TEX14: variants seen among roughly 807,000 people sequenced by gnomAD.
TEX14 encodes the protein inactive serine/threonine-protein kinase TEX14.
A neutral mutation model predicts 178.6 loss-of-function variants in TEX14; 168 were observed. The observed-to-expected ratio is 0.94, with a 90% confidence interval of 0.83 to 1.07. The LOEUF (loss-of-function observed/expected upper bound fraction) is 1.07. TEX14 is among the 50% of genes least tolerant of loss of function. The pLI, the probability that TEX14 is intolerant of heterozygous loss-of-function variation, is 0.00. For missense variants in TEX14, 1,730 were observed against 1,753.6 expected (o/e 0.99, Z 0.24); for synonymous variants, 626 against 634.1 (o/e 0.99, Z 0.19).
Position 58,587,892 on chromosome 17 carries a change from T to C in TEX14, c.2702+4A>G. Reference sequence around the variant, plus strand: ...ACCAGTTTCCAGCCCACAAGGATCCTTACCTGGTAGAGTCCCAGTGACAGC... The same window carrying C: ...ACCAGTTTCCAGCCCACAAGGATCCCTACCTGGTAGAGTCCCAGTGACAGC... On this transcript the variant is annotated splice_donor_region_variant and intron_variant, in intron 16 of 31. Coordinates refer to ENST00000349033, the MANE Select transcript of TEX14 (RefSeq NM_031272.5). 1 of 1,224,764 alleles carries C rather than the reference T, an allele frequency of 8.2e-7. No homozygotes were observed. The highest frequency in any genetic ancestry group is 1.1e-6 in the Non-Finnish European group (1 of 877,300). 75.9% of individuals were successfully genotyped at this position (1,224,764 alleles called of 1,614,324 possible).
chr17:58,565,053 G>T (rs893354580), intron 27 of TEX14, 85 bp from the exon 28 acceptor site: 4 of 781,514 alleles, frequency 5.1e-6, no homozygotes, highest in Middle Eastern at 2.4e-4. Flanking sequence ...AAAAATTAAG[G>T]CCAATCAGTG....
At chr17:58,613,594 T>A (rs1399316795) in intron 8 of TEX14, 50 bp from the exon 9 acceptor site, 7 of 1,586,668 alleles carry the variant, frequency 4.4e-6, no homozygotes, top group African/African-American at 1.4e-5. Flanking sequence ...GAGGATATGA[T>A]GAAAAAATGA....
chr17:58,658,382 A>T (rs1261664041), intron 1 of TEX14, among the ~76,000 whole-genome samples: 1 of 130,486 alleles, frequency 7.7e-6, no homozygotes, highest in Admixed American at 8.2e-5. Context: ...CCACCTGTGC[A>T]CCGGCTTTTT....
At chr17:58,602,189 G>A (rs2045469217) in intron 12 of TEX14, among the ~76,000 whole-genome samples, 1 of 152,184 alleles carries the variant, frequency 6.6e-6, no homozygotes, top group African/African-American at 2.4e-5. Flanking sequence ...CTATGCATAT[G>A]TGTTGAACCT....
At position 58,659,315 on chromosome 17, in the gene TEX14, A is replaced by T. The variant is rs189688278; in HGVS notation, c.-1-7313T>A. 5.1e-6 allele frequency: 5 copies of T among 980,024 alleles called. No homozygotes were observed. In the African/African-American group the frequency reaches 7.0e-5, roughly 14 times the overall value. 60.7% of individuals were successfully genotyped at this position (980,024 alleles called of 1,614,324 possible). On this transcript the variant is annotated intron_variant, in intron 1 of 31. Transcript: ENST00000349033. The stretch of plus-strand genomic sequence containing the variant: ...CCCGCCACAAAGACATTATTTACTT[A>T]ATATTGCTAATACCTTACCATCGTC...
chr17:58,593,388 A>G (rs972431562), intron 15 of TEX14, among the ~76,000 whole-genome samples, 167 bp downstream of exon 15: 3 of 152,184 alleles, frequency 2.0e-5, no homozygotes, highest in African/African-American at 7.2e-5. Flanking sequence ...TTCCCATGAC[A>G]CTGCTCTTCC....
chr17:58,581,817 T>C, intron 19 of TEX14: 1 of 1,449,104 alleles, frequency 6.9e-7, no homozygotes, highest in Non-Finnish European at 9.4e-7. Context: ...AACAACGGGG[T>C]TATCTAACAC....
chr17:58,659,260 A>C (rs1200809518), intron 1 of TEX14: 1 of 797,858 alleles, frequency 1.3e-6, no homozygotes, highest in Non-Finnish European at 1.5e-6. Flanking sequence ...CCCAAGAAAA[A>C]CACTTTATCA....
chr17:58,646,426 T>C (rs775203302), intron 2 of TEX14, among the ~76,000 whole-genome samples: 13 of 152,208 alleles, frequency 8.5e-5, no homozygotes, highest in Admixed American at 3.3e-4. Context: ...CGTCAACTCA[T>C]GTCAACCAGA....
At chr17:58,626,131 G>A (rs1412863350) in intron 3 of TEX14, among the ~76,000 whole-genome samples, 1 of 151,970 alleles carries the variant, frequency 6.6e-6, no homozygotes, top group Non-Finnish European at 1.5e-5. Context: ...TCCCTTTCCT[G>A]CCCCCCTTTC....
chr17:58,623,751 A>C (rs1162940572), intron 3 of TEX14, among the ~76,000 whole-genome samples: 2 of 147,210 alleles, frequency 1.4e-5, no homozygotes, highest in African/African-American at 5.0e-5. Flanking sequence ...AAAAAGAAGA[A>C]GAAAGAAGGA....
At chr17:58,649,893 C>A (rs2046802889) in intron 2 of TEX14, among the ~76,000 whole-genome samples, 1 of 151,926 alleles carries the variant, frequency 6.6e-6, no homozygotes, top group African/African-American at 2.4e-5. Flanking sequence ...GTGCCCACCA[C>A]CATGCCTGGC....
Position 58,584,515 on chromosome 17 carries a change from T to C in TEX14, c.3156A>G (p.Val1052=). ...FQASSDTLVA[V]EKSYSTSSPI... ...TATTACTTACACTGTAAGATTTCTCTACAGCCACCAATGTGTCAGAACTTG... is the reference window on the plus strand; with the variant it reads ...TATTACTTACACTGTAAGATTTCTCCACAGCCACCAATGTGTCAGAACTTG... Residue 1052 remains valine (V), a synonymous_variant, in exon 19 of 32, where the codon GTA becomes GTG. Coordinates refer to ENST00000349033, the MANE Select transcript of TEX14 (RefSeq NM_031272.5). The C allele has an allele frequency of 1.2e-6, 2 of 1,613,754 alleles. No individual in the cohort carries two copies. Among genetic ancestry groups the C allele is most frequent in the East Asian group, 2.2e-5 (1 of 44,888 alleles).
At chr17:58,634,245 T>C (rs1567749722) in intron 2 of TEX14, among the ~76,000 whole-genome samples, 1 of 151,408 alleles carries the variant, frequency 6.6e-6, no homozygotes, top group Admixed American at 6.6e-5. Context: ...AAACCCTGTC[T>C]CTACTAAAAA....
At chr17:58,675,246 T>C (rs2047377192) in intron 1 of TEX14, 1 of 152,134 alleles carries the variant, frequency 6.6e-6, no homozygotes, top group South Asian at 2.1e-4. Flanking sequence ...GAAATACCAC[T>C]TCACCCTCAC....
At chr17:58,683,308 G>A (rs977488340) in intron 1 of TEX14, among the ~76,000 whole-genome samples, 12 of 151,522 alleles carry the variant, frequency 7.9e-5, no homozygotes, top group Non-Finnish European at 1.5e-4. Flanking sequence ...GGGAGGCGGA[G>A]GTTGCAGTGA....
At chr17:58,676,933 A>G (rs2143519986) in intron 1 of TEX14, among the ~76,000 whole-genome samples, 1 of 152,200 alleles carries the variant, frequency 6.6e-6, no homozygotes, top group East Asian at 1.9e-4. Flanking sequence ...TCTGGCCAGC[A>G]TGGCGAAACC....
At chr17:58,670,970 A>G (rs1361971569) in intron 1 of TEX14, among the ~76,000 whole-genome samples, 2 of 152,100 alleles carry the variant, frequency 1.3e-5, no homozygotes, top group African/African-American at 2.4e-5. Flanking sequence ...AATATATACA[A>G]TTGGGACACT....
intron 3 of TEX14, among the ~76,000 whole-genome samples, chr17:58,625,401 C>G (rs1341130526): frequency 6.6e-6 from 1 of 152,202 alleles, no homozygotes; most frequent in African/African-American, 2.4e-5. Context: ...TCCCAAAGTG[C>G]TGGGATTACA....
Sources: allele counts gnomAD v4.1 joint callset (sites outside exome capture counted in the v4.1 genomes callset), GRCh38; gene constraint gnomAD v4.1.1; transcripts MANE v1.5; gene names NCBI Gene and HGNC (gene_info 2026-07-23, HGNC 2026-07-21).